EEF1AKMT1: variants seen among roughly 807,000 people sequenced by gnomAD.
The protein encoded by EEF1AKMT1 is EEF1A lysine methyltransferase 1.
In EEF1AKMT1, 18 loss-of-function variants were observed where a neutral mutation model predicts 21.0. That is an observed-to-expected ratio of 0.86 (90% CI 0.59 to 1.27). The LOEUF is 1.27. Ranked by LOEUF, EEF1AKMT1 falls within the 50% of genes most tolerant of loss-of-function variation. The pLI is 0.00. For synonymous variants in EEF1AKMT1, 109 were observed against 94.8 expected, an observed-to-expected ratio of 1.15 and a Z score of -0.87; for missense variants, 246 against 258.6, an observed-to-expected ratio of 0.95 and a Z score of 0.33.
At chr13:20,747,320 T>G (rs12864690) in intron 2 of EEF1AKMT1, 7,843 of 251,378 alleles carry the variant, frequency 0.031, 348 homozygotes, top group African/African-American at 0.11. Flanking sequence ...AGAAATGTCA[T>G]AGTACTGAAG....
At chr13:20,742,019 T>C (rs1411343683) in intron 2 of EEF1AKMT1, among the ~76,000 whole-genome samples, 1 of 152,220 alleles carries the variant, frequency 6.6e-6, no homozygotes, top group African/African-American at 2.4e-5. Context: ...ACAAACATGC[T>C]ACAATGAGTA....
chr13:20,770,043 A>C (rs1026578768), intron 1 of EEF1AKMT1, among the ~76,000 whole-genome samples: 1 of 152,256 alleles, frequency 6.6e-6, no homozygotes. Flanking sequence ...AGGAATTAAA[A>C]GCAGTTTTGA....
At chr13:20,738,944 C>G (rs547447304) in intron 2 of EEF1AKMT1, among the ~76,000 whole-genome samples, 8 of 152,328 alleles carry the variant, frequency 5.3e-5, no homozygotes, top group Admixed American at 5.2e-4. Context: ...CTTGGTCTCA[C>G]TGACTTCAAG....
intron 2 of EEF1AKMT1, among the ~76,000 whole-genome samples, chr13:20,739,515 G>C (rs960103234): frequency 1.3e-5 from 2 of 152,130 alleles, no homozygotes; most frequent in African/African-American, 4.8e-5. Context: ...GTGCTGATTG[G>C]TGCATTTACA....
At chr13:20,739,356 C>T (rs71426028) in intron 2 of EEF1AKMT1, among the ~76,000 whole-genome samples, 3,203 of 152,258 alleles carry the variant, frequency 0.021, 56 homozygotes, top group African/African-American at 0.042. Context: ...GGGTTGCCGC[C>T]GCTAAGCAGG....
chr13:20,738,544 G>T (rs1336001495), intron 2 of EEF1AKMT1, among the ~76,000 whole-genome samples: 1 of 152,144 alleles, frequency 6.6e-6, no homozygotes, highest in Non-Finnish European at 1.5e-5. Flanking sequence ...CCAACTGGGG[G>T]GTTCTCTGCT....
chr13:20,752,726 A>G (rs1216894669), intron 2 of EEF1AKMT1, among the ~76,000 whole-genome samples: 1 of 152,068 alleles, frequency 6.6e-6, no homozygotes, highest in African/African-American at 2.4e-5. Context: ...ATTGGTATTG[A>G]TTATTCTTTT....
chr13:20,756,008 C>A lies in EEF1AKMT1; in HGVS notation c.144+1447G>T, dbSNP rs530044186. ...GGTAAACAGACATAAAGAAGGGAAA[C>A]AGTGAGAAAGAGGCTTTAGAATAAG... On this transcript the variant is annotated intron_variant, in intron 2 of 4. Transcript: ENST00000382758. Among the ~76,000 whole-genome samples the A allele has an allele frequency of 7.8e-4, 118 of 152,130 alleles. 1 individual carries two copies. Among genetic ancestry groups the A allele is most frequent in the African/African-American group, 2.8e-3 (117 of 41,504 alleles).
At chr13:20,734,305 C>T (rs2058814152) in intron 3 of EEF1AKMT1, among the ~76,000 whole-genome samples, 1 of 152,096 alleles carries the variant, frequency 6.6e-6, no homozygotes. Context: ...GCAGAAAGAC[C>T]GGTGGGTCTG....
intron 1 of EEF1AKMT1, among the ~76,000 whole-genome samples, chr13:20,772,358 G>A (rs2059067014): frequency 6.6e-6 from 1 of 152,110 alleles, no homozygotes; most frequent in Non-Finnish European, 1.5e-5. Flanking sequence ...ACAGAATGAG[G>A]AGCCCTTTTG....
Position 20,729,079 on chromosome 13 carries a change from A to C in EEF1AKMT1, c.*1T>G, listed in dbSNP as rs375572316. On this transcript the variant is annotated 3_prime_UTR_variant, in exon 5 of 5. Coordinates refer to ENST00000382758, the MANE Select transcript of EEF1AKMT1 (RefSeq NM_001318939.2). Reference sequence around the variant, plus strand: ...TTCCTGTGTTATGTCACCGTCTGTAATCAGATCCCACAGTCCAGCCCAGAA... The same window carrying C: ...TTCCTGTGTTATGTCACCGTCTGTACTCAGATCCCACAGTCCAGCCCAGAA... 1.5e-5 allele frequency: 24 copies of C among 1,614,040 alleles called. No homozygotes were observed. In the African/African-American group the frequency reaches 2.1e-4, roughly 14 times the overall value.
At chr13:20,773,589 C>T (rs2059074051) in intron 1 of EEF1AKMT1, among the ~76,000 whole-genome samples, 1 of 152,384 alleles carries the variant, frequency 6.6e-6, no homozygotes, top group African/African-American at 2.4e-5. Flanking sequence ...AGGGAGGCCT[C>T]CACGCGCTGC....
In EEF1AKMT1 at chr13:20,731,888, G is replaced by A. The variant is rs774440467; in HGVS notation, c.461C>T (p.Ser154Leu). The A allele has an allele frequency of 2.4e-5, 39 of 1,614,056 alleles. No individual in the cohort carries two copies. The highest frequency in any genetic ancestry group is 2.9e-5 in the Non-Finnish European group (34 of 1,180,038). Residue 154 changes from serine (S) to leucine (L), a missense_variant, in exon 4 of 5, where the codon TCG becomes TTG. Physicochemically the swap from Ser to Leu is moderately radical, Grantham distance 145. Transcript: ENST00000382758. ...CCGCGTCAGGTACTTGACGGTTTCC[G>A]ATGTTTTTCTGAGACATTCCTCCGA... ...YLSEECLRKT[S>L]ETVKYLTRGK...
intron 1 of EEF1AKMT1, among the ~76,000 whole-genome samples, chr13:20,769,893 TAAAG>T (rs2059054521): frequency 6.6e-6 from 1 of 151,390 alleles, no homozygotes; most frequent in Non-Finnish European, 1.5e-5. Context: ...CTCAGATAAC[TAAAG>T]AAAGGTGTAG....
rs140469098 is a variant in EEF1AKMT1 at position 20,729,952 on chromosome 13, C to T, written c.509-736G>A. 8.3e-4 allele frequency among the ~76,000 whole-genome samples: 126 copies of T among 152,320 alleles called. 2 individuals are homozygous for T. In the East Asian group the frequency reaches 0.019, roughly 23 times the overall value. ...CGTCTTCAGACAAGTTGCGTCCCGT[C>T]GCCTTGGGCTTCTGAAGAAAACCCC... is the stretch of plus-strand genomic sequence containing the variant. On this transcript the variant is annotated intron_variant, in intron 4 of 4. Coordinates refer to ENST00000382758, the MANE Select transcript of EEF1AKMT1 (RefSeq NM_001318939.2).
At chr13:20,731,758 T>A in intron 4 of EEF1AKMT1, 83 bp downstream of exon 4, 1 of 1,392,468 alleles carries the variant, frequency 7.2e-7, no homozygotes, top group Middle Eastern at 2.4e-4. Context: ...CAGGAAGTGG[T>A]GGACTCAGGA....
intron 1 of EEF1AKMT1, among the ~76,000 whole-genome samples, chr13:20,771,628 A>C (rs1053980845): frequency 9.9e-5 from 15 of 152,230 alleles, no homozygotes; most frequent in Admixed American, 2.0e-4. Flanking sequence ...GAATCGTAGA[A>C]GTTTCCTACA....
intron 2 of EEF1AKMT1, among the ~76,000 whole-genome samples, chr13:20,738,895 T>A (rs1054688878): frequency 1.3e-5 from 2 of 149,386 alleles, no homozygotes; most frequent in African/African-American, 5.2e-5. Context: ...GTTCTAAAAT[T>A]GACTGTGGTG....
At chr13:20,742,835 T>C (rs761288340) in intron 2 of EEF1AKMT1, among the ~76,000 whole-genome samples, 6 of 152,226 alleles carry the variant, frequency 3.9e-5, no homozygotes, top group Non-Finnish European at 8.8e-5. Context: ...TGTTTCCTGG[T>C]ATCTTTGGCT....
Sources: gnomAD v4.1 joint callset for allele counts (sites outside exome capture counted in the v4.1 genomes callset) on GRCh38, gnomAD v4.1.1 for gene constraint, MANE v1.5 for transcripts, NCBI Gene and HGNC (gene_info 2026-07-23, HGNC 2026-07-21) for gene names.